The following DRC11 variants were observed in gnomAD, a reference collection of about 807,000 sequenced individuals.
DRC11 encodes dynein regulatory complex subunit 11, also known as IQ and AAA domain-containing protein 1.
At chr2:236,401,076 T>C in the DRC11 span, among the ~76,000 whole-genome samples, 6 of 152,194 alleles carry the variant, frequency 3.9e-5, no homozygotes, top group East Asian at 1.2e-3. The surrounding 1 kb of genome is among the most constrained non-coding windows in gnomAD (Gnocchi z 4.6). Flanking sequence ...TTGGAGCTCC[T>C]GGGAGGCACC....
the DRC11 span, among the ~76,000 whole-genome samples, chr2:236,410,347 T>C: frequency 6.6e-6 from 1 of 152,098 alleles, no homozygotes; most frequent in Non-Finnish European, 1.5e-5. Flanking sequence ...GGAGAGTGTA[T>C]GTGTCGAGGA....
chr2:236,329,615 G>A, the DRC11 span, among the ~76,000 whole-genome samples: 1 of 152,140 alleles, frequency 6.6e-6, no homozygotes, highest in African/African-American at 2.4e-5. Context: ...CATAGCAATG[G>A]TATCACATTA....
At chr2:236,313,488 T>C in the DRC11 span, among the ~76,000 whole-genome samples, 1,730 of 152,298 alleles carry the variant, frequency 0.011, 32 homozygotes, top group African/African-American at 0.039. This position sits in a 1 kb window ranked among gnomAD's most constrained non-coding sequence, Gnocchi z 4.5. Flanking sequence ...TTACGGAAGA[T>C]GGTTTGACAG....
At chr2:236,316,887 G>A in the DRC11 span, among the ~76,000 whole-genome samples, 4 of 152,186 alleles carry the variant, frequency 2.6e-5, no homozygotes, top group Admixed American at 6.5e-5. The surrounding 1 kb of genome is among the most constrained non-coding windows in gnomAD (Gnocchi z 6.8). Flanking sequence ...GCTCTGGGGC[G>A]AGCAGCTGTC....
At chr2:236,356,923 CAT>C in the DRC11 span, among the ~76,000 whole-genome samples, 2 of 140,196 alleles carry the variant, frequency 1.4e-5, no homozygotes, top group East Asian at 2.1e-4. Context: ...TATATATATT[CAT>C]ATATATTTAT....
At chr2:236,477,270 C>T in the DRC11 span, among the ~76,000 whole-genome samples, 1 of 152,070 alleles carries the variant, frequency 6.6e-6, no homozygotes. Context: ...ATAAACAGTC[C>T]ATTAACACAT....
chr2:236,481,025 A>AG, the DRC11 span, among the ~76,000 whole-genome samples: 5 of 152,218 alleles, frequency 3.3e-5, no homozygotes, highest in East Asian at 9.6e-4. Context: ...AAGGTCCCAA[A>AG]GGGGATATCC....
At chr2:236,339,335 T>C in the DRC11 span, among the ~76,000 whole-genome samples, 1 of 152,240 alleles carries the variant, frequency 6.6e-6, no homozygotes, top group Non-Finnish European at 1.5e-5. Flanking sequence ...CAATATTACA[T>C]GGTTTGCAAA....
chr2:236,343,569 C>A, the DRC11 span: 2 of 469,826 alleles, frequency 4.3e-6, no homozygotes, highest in Non-Finnish European at 8.0e-6. The surrounding 1 kb of genome is among the most constrained non-coding windows in gnomAD (Gnocchi z 6.6). Context: ...AGGGAGTAGC[C>A]CCTGCCCATG....
chr2:236,324,606 G>T, the DRC11 span: 1 of 799,858 alleles, frequency 1.3e-6, no homozygotes, highest in Non-Finnish European at 2.1e-6. This position sits in a 1 kb window ranked among gnomAD's most constrained non-coding sequence, Gnocchi z 5.7. Context: ...TGGCGAGTTG[G>T]GGTCCTCTCC....
At chr2:236,386,496 A>C in the DRC11 span, among the ~76,000 whole-genome samples, 1 of 151,882 alleles carries the variant, frequency 6.6e-6, no homozygotes, top group Non-Finnish European at 1.5e-5. Flanking sequence ...TTTCTGTGGG[A>C]TCGGTGGTGA....
chr2:236,493,166 C>T, the DRC11 span, among the ~76,000 whole-genome samples: 13 of 152,254 alleles, frequency 8.5e-5, no homozygotes, highest in South Asian at 6.2e-4. Flanking sequence ...TGCAGGGAAA[C>T]TCCCCTTTAT....
chr2:236,344,707 G>A, the DRC11 span: 1 of 1,194,272 alleles, frequency 8.4e-7, no homozygotes, highest in South Asian at 1.3e-5. Context: ...GCAGAGCCCT[G>A]GTTGTAAATG....
the DRC11 span, chr2:236,331,686 C>G: frequency 1.0e-6 from 1 of 953,650 alleles, no homozygotes; most frequent in Non-Finnish European, 1.6e-6. The surrounding 1 kb of genome is among the most constrained non-coding windows in gnomAD (Gnocchi z 4.8). Context: ...TGCATCTCAT[C>G]AAGAAAGGAA....
At chr2:236,368,231 G>A in the DRC11 span, 1 of 1,611,224 alleles carries the variant, frequency 6.2e-7, no homozygotes, top group South Asian at 1.1e-5. Context: ...TGAGCTGTCT[G>A]ACATCCAGGA....
chr2:236,364,196 G>A, the DRC11 span, among the ~76,000 whole-genome samples: 28 of 113,740 alleles, frequency 2.5e-4, no homozygotes, highest in East Asian at 6.8e-3. Flanking sequence ...GAGCCATAGG[G>A]TCTCTGCGGG....
At chr2:236,368,079 T>C in the DRC11 span, 1 of 726,482 alleles carries the variant, frequency 1.4e-6, no homozygotes, top group African/African-American at 1.7e-5. Flanking sequence ...GAATTCTCAG[T>C]AGGAAAAGTT....
the DRC11 span, among the ~76,000 whole-genome samples, chr2:236,497,848 T>C: frequency 1.3e-5 from 2 of 152,218 alleles, no homozygotes; most frequent in Non-Finnish European, 2.9e-5. The surrounding 1 kb of genome is among the most constrained non-coding windows in gnomAD (Gnocchi z 5.1). Flanking sequence ...TGGTGAAGTA[T>C]ATTTTGGAAC....
the DRC11 span, among the ~76,000 whole-genome samples, chr2:236,491,067 G>A: frequency 1.7e-5 from 2 of 114,382 alleles, no homozygotes; most frequent in African/African-American, 7.0e-5. Context: ...TATACACACA[G>A]TATATACCCC....
Sources: gnomAD v4.1 joint callset for allele counts (sites outside exome capture counted in the v4.1 genomes callset) on GRCh38, gnomAD v4.1.1 for gene constraint, Gnocchi (gnomAD v3.1) non-coding constraint, MANE v1.5 for transcripts, NCBI Gene and HGNC (gene_info 2026-07-23, HGNC 2026-07-21) for gene names.